DEFB105A: variants seen among roughly 807,000 people sequenced by gnomAD.
DEFB105A encodes the protein defensin beta 105A.
For missense variants in DEFB105A, 2 were observed against 18.5 expected, an observed-to-expected ratio of 0.11 and a Z score of 1.64; for synonymous variants, 2 against 6.6, an observed-to-expected ratio of 0.30 and a Z score of 1.06.
At chr8:7,823,601 CAA>C (rs200296786) in intron 1 of DEFB105A, among the ~76,000 whole-genome samples, 166 bp downstream of exon 1, 14,686 of 59,260 alleles carry the variant, frequency 0.25, 90 homozygotes, top group East Asian at 0.29. Flanking sequence ...AAACAAATTA[CAA>C]AAAAAAAAAA....
In DEFB105A at chr8:7,821,866, A is replaced by C; in HGVS notation, c.*142T>G. On this transcript the variant is annotated 3_prime_UTR_variant, in exon 3 of 3. Coordinates refer to ENST00000334773, the MANE Select transcript of DEFB105A (RefSeq NM_152250.3). The stretch of plus-strand genomic sequence containing the variant: ...AAGTCATCTTTAAAAAATAAGCAAT[A>C]AAACGTAACAAAGGGAGAAAGAAAT... The C allele has an allele frequency of 3.1e-6, 2 of 637,260 alleles. No homozygotes were observed. The highest frequency in any genetic ancestry group is 4.2e-5 in the South Asian group (2 of 47,068). The allele number at this position is 637,260 out of a possible 1,614,324, so 39.5% of individuals were successfully genotyped here.
At chr8:7,822,196 A>G (rs866211193) in intron 2 of DEFB105A, 64 bp from the exon 3 acceptor site, 220 of 58,088 alleles carry the variant, frequency 3.8e-3, no homozygotes, top group Non-Finnish European at 5.2e-3. Flanking sequence ...GGAACATGTC[A>G]AAGACCACCA....
At chr8:7,823,599 T>TTC (rs1817348360) in intron 1 of DEFB105A, among the ~76,000 whole-genome samples, 170 bp downstream of exon 1, 2 of 15,586 alleles carry the variant, frequency 1.3e-4, no homozygotes, top group African/African-American at 2.8e-4. Context: ...AAAAACAAAT[T>TTC]ACAAAAAAAA....
At position 7,821,787 on chromosome 8, in the gene DEFB105A, T is replaced by G. The variant is rs1287387876; in HGVS notation, c.*221A>C. On this transcript the variant is annotated 3_prime_UTR_variant, in exon 3 of 3. Transcript: ENST00000334773. Reference sequence around the variant, plus strand: ...GTGAGCCAAGATCGAGCCACTGCACTCCAGCCTGGGCGACAGAGTGAGACT... The same window carrying G: ...GTGAGCCAAGATCGAGCCACTGCACGCCAGCCTGGGCGACAGAGTGAGACT... Among the ~76,000 whole-genome samples the G allele has an allele frequency of 8.1e-6, 1 of 124,030 alleles. No individual in the cohort carries two copies. The highest frequency in any genetic ancestry group is 2.5e-4 in the East Asian group (1 of 3,956). 81.4% of individuals were successfully genotyped at this position (124,030 alleles called of 152,430 possible).
intron 2 of DEFB105A, 147 bp downstream of exon 2, chr8:7,823,234 GA>G: frequency 1.7e-6 from 1 of 596,998 alleles, no homozygotes; most frequent in Non-Finnish European, 3.1e-6. Context: ...AAGAGAAAGA[GA>G]AGGAGATAAG....
In DEFB105A at chr8:7,821,067, TAGAC is replaced by T. The variant is rs1378870779; in HGVS notation, c.*937_*940del. 1.1e-5 allele frequency among the ~76,000 whole-genome samples: 1 copy of T among 93,702 alleles called. No individual in the cohort carries two copies. Among genetic ancestry groups the T allele is most frequent in the African/African-American group, 4.2e-5 (1 of 24,076 alleles). 61.5% of individuals were successfully genotyped at this position (93,702 alleles called of 152,430 possible). A position where few individuals can be genotyped will look rare whatever the true frequency, so the allele number is the denominator to read the frequency against. Reference sequence around the variant, plus strand: ...TGGATTTTATTTCACAAGGCAAAATTAGACAGTCAACCATTTATGCATATTCTGT... The same window carrying T: ...TGGATTTTATTTCACAAGGCAAAATTAGTCAACCATTTATGCATATTCTGT... On this transcript the variant is annotated 3_prime_UTR_variant, in exon 3 of 3. Transcript: ENST00000334773.
Position 7,821,745 on chromosome 8 carries a change from G to A in DEFB105A, c.*263C>T, listed in dbSNP as rs868323168. 3.9e-5 allele frequency among the ~76,000 whole-genome samples: 5 copies of A among 127,470 alleles called. No homozygotes were observed. The East Asian group carries it at 7.3e-4, about 19-fold the overall frequency. 83.6% of individuals were successfully genotyped at this position (127,470 alleles called of 152,430 possible). On this transcript the variant is annotated 3_prime_UTR_variant, in exon 3 of 3. Coordinates refer to ENST00000334773, the MANE Select transcript of DEFB105A (RefSeq NM_152250.3). The stretch of plus-strand genomic sequence containing the variant: ...TGAAGCAGGAGAATTGCTTGAACCC[G>A]GGAGGTGGAGGTTGCAGTGAGCCAA...
intron 2 of DEFB105A, among the ~76,000 whole-genome samples, 193 bp downstream of exon 2, chr8:7,823,189 T>C (rs1301670418): frequency 1.4e-5 from 2 of 142,672 alleles, no homozygotes; most frequent in Non-Finnish European, 3.1e-5. Context: ...TATTTTTCTG[T>C]GAAATCAAAA....
rs1415072365 is a variant in DEFB105A at position 7,821,400 on chromosome 8, G to A, written c.*608C>T. On this transcript the variant is annotated 3_prime_UTR_variant, in exon 3 of 3. Transcript: ENST00000334773. ...GGCAGTAATAAAACCTACCTCATAA[G>A]GTAATCATGAGTCATATGAGAGAAG... Among the ~76,000 whole-genome samples, 1 of 152,122 alleles carries A rather than the reference G, an allele frequency of 6.6e-6. No individual in the cohort carries two copies. The highest frequency in any genetic ancestry group is 1.5e-5 in the Non-Finnish European group (1 of 68,024).
At chr8:7,822,228 C>T in intron 2 of DEFB105A, 96 bp from the exon 3 acceptor site, 2 of 28,412 alleles carry the variant, frequency 7.0e-5, no homozygotes, top group Admixed American at 8.9e-4. Flanking sequence ...ACAGTTCGTA[C>T]GTATGATTAC....
rs1428572725 is a variant in DEFB105A at position 7,821,982 on chromosome 8, G to A, written c.*26C>T. On this transcript the variant is annotated 3_prime_UTR_variant, in exon 3 of 3. Transcript: ENST00000334773. Reference sequence around the variant, plus strand: ...TTTGAATATCCAGGTCTGCTTCTAAGGCCAGAAGTGTGCTGGTCTGGTTTG... The same window carrying A: ...TTTGAATATCCAGGTCTGCTTCTAAAGCCAGAAGTGTGCTGGTCTGGTTTG... 3.4e-5 allele frequency: 7 copies of A among 203,710 alleles called. No homozygotes were observed. Among genetic ancestry groups the A allele is most frequent in the Non-Finnish European group, 5.7e-5 (7 of 122,708 alleles). 12.6% of individuals were successfully genotyped at this position (203,710 alleles called of 1,614,324 possible). A position where few individuals can be genotyped will look rare whatever the true frequency, so the allele number is the denominator to read the frequency against.
At position 7,821,751 on chromosome 8, in the gene DEFB105A, T is replaced by G. The variant is rs1159258551; in HGVS notation, c.*257A>C. On this transcript the variant is annotated 3_prime_UTR_variant, in exon 3 of 3. Coordinates refer to ENST00000334773, the MANE Select transcript of DEFB105A (RefSeq NM_152250.3). ...AGGAGAATTGCTTGAACCCGGGAGG[T>G]GGAGGTTGCAGTGAGCCAAGATCGA... Among the ~76,000 whole-genome samples the G allele has an allele frequency of 1.9e-5, 2 of 105,016 alleles. No individual in the cohort carries two copies. The highest frequency in any genetic ancestry group is 3.8e-5 in the African/African-American group (1 of 26,140). The allele number at this position is 105,016 out of a possible 152,430, so 68.9% of individuals were successfully genotyped here.
At position 7,822,088 on chromosome 8, in the gene DEFB105A, AT is replaced by A; in HGVS notation, c.156del (p.Lys52AsnfsTer18). On this transcript the variant is annotated frameshift_variant, in exon 3 of 3. Coordinates refer to ENST00000334773, the MANE Select transcript of DEFB105A (RefSeq NM_152250.3). LOFTEE classifies it high-confidence loss of function. ...TCATTCTCCAAGCACTCCTTCCTGC[AT>A]TTTCCCCGACCAAGCTTGCACGACT... ...VCESCKLGRG[K>X]CRKECLENEK... 7.2e-6 allele frequency: 2 copies of A among 276,824 alleles called. No individual in the cohort carries two copies. The highest frequency in any genetic ancestry group is 1.2e-5 in the Non-Finnish European group (2 of 170,610). 17.1% of individuals were successfully genotyped at this position (276,824 alleles called of 1,614,324 possible). A position where few individuals can be genotyped will look rare whatever the true frequency, so the allele number is the denominator to read the frequency against.
rs373818928 is a variant in DEFB105A at position 7,822,097 on chromosome 8, G to T, written c.148C>A (p.Arg50=). 19 of 264,674 alleles carry T rather than the reference G, an allele frequency of 7.2e-5. No individual in the cohort carries two copies. In the East Asian group the frequency reaches 8.5e-4, roughly 12 times the overall value. The allele number at this position is 264,674 out of a possible 1,614,324, so 16.4% of individuals were successfully genotyped here. Reference sequence around the variant, plus strand: ...AAGCACTCCTTCCTGCATTTTCCCCGACCAAGCTTGCACGACTCACAGACA... The same window carrying T: ...AAGCACTCCTTCCTGCATTTTCCCCTACCAAGCTTGCACGACTCACAGACA... ...FAVCESCKLG[R]GKCRKECLEN... The change falls in exon 3 of 3, where the codon CGG becomes AGG. Residue 50 remains arginine (R), a synonymous_variant. Coordinates refer to ENST00000334773, the MANE Select transcript of DEFB105A (RefSeq NM_152250.3).
At position 7,821,361 on chromosome 8, in the gene DEFB105A, T is replaced by C. The variant is rs1345135820; in HGVS notation, c.*647A>G. ...TTAACAGCCTCTTGAGCCTCAATAT[T>C]TTCAAATGTAAATGGCAGTAATAAA... is the stretch of plus-strand genomic sequence containing the variant. On this transcript the variant is annotated 3_prime_UTR_variant, in exon 3 of 3. Transcript: ENST00000334773. Among the ~76,000 whole-genome samples, 1 of 152,204 alleles carries C rather than the reference T, an allele frequency of 6.6e-6. No individual in the cohort carries two copies. Among genetic ancestry groups the C allele is most frequent in the Non-Finnish European group, 1.5e-5 (1 of 68,042 alleles).
rs1159925165 is a variant in DEFB105A, at chr8:7,821,647, T to C, written c.*361A>G. 7.4e-5 allele frequency among the ~76,000 whole-genome samples: 10 copies of C among 135,704 alleles called. No individual in the cohort carries two copies. In the East Asian group the frequency reaches 2.1e-3, roughly 29 times the overall value. 89.0% of individuals were successfully genotyped at this position (135,704 alleles called of 152,430 possible). ...CCAGCCTTGCCAACATGGTGAAACCTCATCTCTAGTAAAAATACAAAAATT... is the reference window on the plus strand; with the variant it reads ...CCAGCCTTGCCAACATGGTGAAACCCCATCTCTAGTAAAAATACAAAAATT... On this transcript the variant is annotated 3_prime_UTR_variant, in exon 3 of 3. Coordinates refer to ENST00000334773, the MANE Select transcript of DEFB105A (RefSeq NM_152250.3).
Position 7,821,811 on chromosome 8 carries a change from C to T in DEFB105A, c.*197G>A, listed in dbSNP as rs1174525146. On this transcript the variant is annotated 3_prime_UTR_variant, in exon 3 of 3. Coordinates refer to ENST00000334773, the MANE Select transcript of DEFB105A (RefSeq NM_152250.3). ...CTCCAGCCTGGGCGACAGAGTGAGA[C>T]TCCTTCTCAAAAAAAAAAAAAAAGA... 7.4e-6 allele frequency among the ~76,000 whole-genome samples: 1 copy of T among 135,168 alleles called. No homozygotes were observed. The highest frequency in any genetic ancestry group is 1.6e-5 in the Non-Finnish European group (1 of 62,932). The allele number at this position is 135,168 out of a possible 152,430, so 88.7% of individuals were successfully genotyped here.
Position 7,821,775 on chromosome 8 carries a change from G to C in DEFB105A, c.*233C>G, listed in dbSNP as rs1177710418. Among the ~76,000 whole-genome samples, 65 of 126,842 alleles carry C rather than the reference G, an allele frequency of 5.1e-4. No individual in the cohort carries two copies. The highest frequency in any genetic ancestry group is 6.0e-4 in the Non-Finnish European group (36 of 59,916). The allele number at this position is 126,842 out of a possible 152,430, so 83.2% of individuals were successfully genotyped here. Reference sequence around the variant, plus strand: ...GTGGAGGTTGCAGTGAGCCAAGATCGAGCCACTGCACTCCAGCCTGGGCGA... The same window carrying C: ...GTGGAGGTTGCAGTGAGCCAAGATCCAGCCACTGCACTCCAGCCTGGGCGA... On this transcript the variant is annotated 3_prime_UTR_variant, in exon 3 of 3. Coordinates refer to ENST00000334773, the MANE Select transcript of DEFB105A (RefSeq NM_152250.3).
chr8:7,823,244 A>T (rs1208403524), intron 2 of DEFB105A, 138 bp downstream of exon 2: 1 of 615,662 alleles, frequency 1.6e-6, no homozygotes, highest in African/African-American at 1.9e-5. Context: ...GAAGGAGATA[A>T]GTTAGTGAAC....
Sources: gnomAD v4.1 joint callset for allele counts (sites outside exome capture counted in the v4.1 genomes callset) on GRCh38, gnomAD v4.1.1 for gene constraint, MANE v1.5 for transcripts, NCBI Gene and HGNC (gene_info 2026-07-23, HGNC 2026-07-21) for gene names.